KYNU: variants seen among roughly 807,000 people sequenced by gnomAD.
KYNU encodes the protein kynureninase, also known as L-kynurenine hydrolase.
KYNU carries 54 observed loss-of-function variants against 59.2 expected under a neutral mutation model. The observed-to-expected ratio is 0.91, with a 90% CI of 0.73 to 1.14. KYNU has a LOEUF of 1.14. KYNU is among the 50% of genes most tolerant of loss of function. The probability of loss-of-function intolerance (pLI) is 0.00; values close to 1 mark genes in which losing one functional copy is unlikely to be tolerated. For missense variants in KYNU, 567 were observed against 554.4 expected (o/e 1.02, Z -0.23); for synonymous variants, 177 against 192.0 (o/e 0.92, Z 0.65).
chr2:142,959,905 AT>A (rs150776781), intron 7 of KYNU, among the ~76,000 whole-genome samples: 2,828 of 152,172 alleles, frequency 0.019, 74 homozygotes, highest in Admixed American at 0.083. Flanking sequence ...TGTAAGTGTT[AT>A]GTTTTCTTTG....
chr2:142,909,161 GT>G (rs377067045), intron 2 of KYNU, among the ~76,000 whole-genome samples: 79 of 149,294 alleles, frequency 5.3e-4, no homozygotes, highest in African/African-American at 1.4e-3. Context: ...CATATATCAA[GT>G]TTTTTTTTTT....
chr2:142,882,568 G>A (rs1404118439), intron 1 of KYNU, among the ~76,000 whole-genome samples: 1 of 152,140 alleles, frequency 6.6e-6, no homozygotes, highest in Non-Finnish European at 1.5e-5. Context: ...CTGTGAGTGA[G>A]AACATGTGGT....
At chr2:142,902,310 T>C (rs969315605) in intron 2 of KYNU, among the ~76,000 whole-genome samples, 1 of 152,224 alleles carries the variant, frequency 6.6e-6, no homozygotes, top group Non-Finnish European at 1.5e-5. Flanking sequence ...TTGTGACATA[T>C]GAAGAAAAGT....
chr2:143,036,013 G>A (rs988277222), intron 12 of KYNU, among the ~76,000 whole-genome samples: 1 of 151,778 alleles, frequency 6.6e-6, no homozygotes, highest in African/African-American at 2.4e-5. Flanking sequence ...GCTGCAAGTG[G>A]TCCTCCTGAG....
At chr2:142,981,416 T>C (rs999255095) in intron 8 of KYNU, among the ~76,000 whole-genome samples, 3 of 152,084 alleles carry the variant, frequency 2.0e-5, no homozygotes, top group Non-Finnish European at 2.9e-5. Context: ...TTAACTTTTT[T>C]CCCCATATGG....
At chr2:143,003,573 CTCTG>C (rs1685776194) in intron 10 of KYNU, among the ~76,000 whole-genome samples, 1 of 152,074 alleles carries the variant, frequency 6.6e-6, no homozygotes, top group Non-Finnish European at 1.5e-5. Context: ...CAGAGTGAGA[CTCTG>C]TCTGAAAACA....
chr2:142,889,494 C>T (rs1681631983), intron 2 of KYNU, among the ~76,000 whole-genome samples: 1 of 152,162 alleles, frequency 6.6e-6, no homozygotes, highest in Non-Finnish European at 1.5e-5. Context: ...GTTTCTTTGA[C>T]TCACCTGGCT....
At chr2:142,956,326 G>A (rs752565460) in intron 6 of KYNU, 52 bp downstream of exon 6, 2 of 1,169,538 alleles carry the variant, frequency 1.7e-6, no homozygotes, top group Admixed American at 3.5e-5. Context: ...TCCTAGAGCA[G>A]TGTATCATTT....
At position 143,025,373 on chromosome 2, in the gene KYNU, A is replaced by G. The variant is rs1348956194; in HGVS notation, c.903-4254A>G. Among the ~76,000 whole-genome samples, 5 of 151,998 alleles carry G rather than the reference A, an allele frequency of 3.3e-5. No individual in the cohort carries two copies. The East Asian group carries it at 7.7e-4, about 23-fold the overall frequency. On this transcript the variant is annotated intron_variant, in intron 10 of 13. Transcript: ENST00000264170. ...TGTGTTGAATTTTCCTAGATTAGCA[A>G]TTTGGGGGAGGTACCTAAGCAGGAG...
At chr2:142,916,189 A>G (rs1256979881) in intron 2 of KYNU, among the ~76,000 whole-genome samples, 2 of 152,148 alleles carry the variant, frequency 1.3e-5, no homozygotes, top group Non-Finnish European at 2.9e-5. Context: ...GGGGCTTGTT[A>G]CATGAAGCAA....
chr2:142,912,386 T>TTTC (rs1573780922), intron 2 of KYNU, among the ~76,000 whole-genome samples: 4 of 136,294 alleles, frequency 2.9e-5, no homozygotes, highest in East Asian at 2.1e-4. Context: ...TTTTTTTTTT[T>TTTC]TTTTTTTTTT....
intron 2 of KYNU, among the ~76,000 whole-genome samples, chr2:142,907,093 C>T (rs1682322808): frequency 6.6e-6 from 1 of 152,152 alleles, no homozygotes; most frequent in South Asian, 2.1e-4. Flanking sequence ...TTACTCACTG[C>T]TTTGGAGAAT....
rs557994737 is a variant in KYNU at position 143,039,984 on chromosome 2, C to G, written c.1042-444C>G. Among the ~76,000 whole-genome samples, 275 of 152,188 alleles carry G rather than the reference C, an allele frequency of 1.8e-3. 1 individual carries two copies. The highest frequency in any genetic ancestry group is 6.4e-3 in the African/African-American group (265 of 41,548). On this transcript the variant is annotated intron_variant, in intron 12 of 13. Transcript: ENST00000264170. ...GTTAAGAATTCCTTCATTATTCTGT[C>G]ATGCTTTAAGGCCCAGGGAAAGCCT...
rs146238174 is a variant in KYNU at position 142,885,488 on chromosome 2, C to T, written c.121C>T (p.His41Tyr). 1.2e-4 allele frequency: 187 copies of T among 1,613,978 alleles called. No homozygotes were observed. In the African/African-American group the frequency reaches 2.4e-3, roughly 20 times the overall value. Residue 41 changes from histidine to tyrosine, a missense_variant, in exon 2 of 14, where the codon CAC becomes TAC. Physicochemically the swap from His to Tyr is moderately conservative, Grantham distance 83 (BLOSUM62 2). Coordinates refer to ENST00000264170, the MANE Select transcript of KYNU (RefSeq NM_003937.3). ...CCTAGATGAGGAAGATAAGCTGAGG[C>T]ACTTCAGGGAGTGCTTTTATATTCC... ...LHLDEEDKLR[H>Y]FRECFYIPKI...
intron 10 of KYNU, among the ~76,000 whole-genome samples, chr2:143,013,123 G>A (rs1041224027): frequency 6.6e-5 from 10 of 152,068 alleles, no homozygotes; most frequent in Middle Eastern, 3.2e-3. Flanking sequence ...AGCCTCCCAC[G>A]TAGCTGGGAC....
chr2:143,006,764 C>T (rs1685918878), intron 10 of KYNU, among the ~76,000 whole-genome samples: 1 of 151,816 alleles, frequency 6.6e-6, no homozygotes, highest in African/African-American at 2.4e-5. Context: ...CCCCGAGCAG[C>T]CTAACTGGGA....
chr2:142,898,646 A>G (rs867671303), intron 2 of KYNU, among the ~76,000 whole-genome samples: 1 of 152,196 alleles, frequency 6.6e-6, no homozygotes, highest in Non-Finnish European at 1.5e-5. Flanking sequence ...AAATTTTTGC[A>G]ATGCTGAAAT....
chr2:143,042,163 A>T lies in KYNU; in HGVS notation c.1389A>T (p.Thr463=). Residue 463 remains threonine, a synonymous_variant, in exon 14 of 14, where the codon ACA becomes ACT. Coordinates refer to ENST00000264170, the MANE Select transcript of KYNU (RefSeq NM_003937.3). ...LLTSILDSAE[T]KN is the part of the protein sequence containing the mutation. ...CTTCTATACTTGACTCTGCAGAAAC[A>T]AAAAATTAGCAGTGTTTTCTAGAAC... 1 of 1,609,052 alleles carries T rather than the reference A, an allele frequency of 6.2e-7. No individual in the cohort carries two copies. The highest frequency in any genetic ancestry group is 8.5e-7 in the Non-Finnish European group (1 of 1,178,072).
At chr2:142,947,219 G>A (rs1683819439) in intron 4 of KYNU, 1 of 1,550,408 alleles carries the variant, frequency 6.4e-7, no homozygotes, top group Non-Finnish European at 8.7e-7. Flanking sequence ...AAACTTCAGT[G>A]GAGTTCTCTA....
Sources: allele counts gnomAD v4.1 joint callset (sites outside exome capture counted in the v4.1 genomes callset), GRCh38; gene constraint gnomAD v4.1.1; transcripts MANE v1.5; gene names NCBI Gene and HGNC (gene_info 2026-07-23, HGNC 2026-07-21).